The following PRPSAP2 variants were observed in gnomAD, a reference collection of about 807,000 sequenced individuals.
The protein encoded by PRPSAP2 is phosphoribosyl pyrophosphate synthetase associated protein 2.
PRPSAP2 carries 24 observed loss-of-function variants against 40.6 expected under a neutral mutation model. The observed-to-expected ratio is 0.59, with a 90% CI of 0.43 to 0.83. The LOEUF (loss-of-function observed/expected upper bound fraction) is 0.83. Ranked by LOEUF, PRPSAP2 falls within the 40% of genes least tolerant of loss-of-function variation. The pLI is 0.00. For synonymous variants in PRPSAP2, 149 were observed against 164.7 expected (o/e 0.90, Z 0.73); for missense variants, 292 against 465.6 (o/e 0.63, Z 3.43).
intron 1 of PRPSAP2, among the ~76,000 whole-genome samples, chr17:18,861,905 T>C (rs570983983): frequency 6.6e-6 from 1 of 152,108 alleles, no homozygotes; most frequent in South Asian, 2.1e-4. Flanking sequence ...GTTTGTTTGT[T>C]TTGAGACAGT....
chr17:18,880,220 G>A (rs2038629240), intron 6 of PRPSAP2, among the ~76,000 whole-genome samples: 1 of 152,176 alleles, frequency 6.6e-6, no homozygotes, highest in Admixed American at 6.5e-5. Flanking sequence ...TCAGGAAAGG[G>A]CCCATCTTCT....
rs1313021049 is a variant in PRPSAP2 at position 18,882,585 on chromosome 17, A to T, written c.430A>T (p.Thr144Ser). 1.9e-5 allele frequency: 30 copies of T among 1,578,610 alleles called. No homozygotes were observed. Among genetic ancestry groups the T allele is most frequent in the Non-Finnish European group, 2.5e-5 (29 of 1,148,088 alleles). Residue 144 changes from threonine (T) to serine (S), a missense_variant, in exon 7 of 12, where the codon ACT (threonine) becomes TCT (serine). Transcript: ENST00000268835. ...MCKAGLTHLI[T>S]MDLHQKEIQG... ...TTTCAAAGGTCTAACTCATCTTATTACTATGGATTTACACCAGAAGGAAAT... is the reference window on the plus strand; with the variant it reads ...TTTCAAAGGTCTAACTCATCTTATTTCTATGGATTTACACCAGAAGGAAAT...
chr17:18,930,098 C>T (rs1438819380), intron 11 of PRPSAP2, among the ~76,000 whole-genome samples: 10 of 152,092 alleles, frequency 6.6e-5, no homozygotes, highest in African/African-American at 1.2e-4. Flanking sequence ...ACAGGCTGGG[C>T]GCGGTGGCTC....
intron 8 of PRPSAP2, among the ~76,000 whole-genome samples, chr17:18,896,640 A>C (rs1405281509): frequency 8.1e-6 from 1 of 123,760 alleles, no homozygotes; most frequent in Non-Finnish European, 1.6e-5. Context: ...TTGTCACTTC[A>C]GGCGGCTGCA....
chr17:18,871,233 T>C (rs1437568259), intron 4 of PRPSAP2, among the ~76,000 whole-genome samples: 1 of 152,078 alleles, frequency 6.6e-6, no homozygotes, highest in African/African-American at 2.4e-5. Flanking sequence ...TTGGCCAGGC[T>C]AGCCTTAAAC....
chr17:18,907,639 C>CATAA (rs879261434), intron 8 of PRPSAP2, among the ~76,000 whole-genome samples: 12 of 152,046 alleles, frequency 7.9e-5, no homozygotes, highest in Non-Finnish European at 1.2e-4. Context: ...TCTTGTGAGC[C>CATAA]ATAAAATAAG....
At chr17:18,923,077 C>G (rs1567751985) in intron 9 of PRPSAP2, among the ~76,000 whole-genome samples, 1 of 149,970 alleles carries the variant, frequency 6.7e-6, no homozygotes, top group East Asian at 1.9e-4. Flanking sequence ...TTATTTTTAT[C>G]TATTTATTTA....
Position 18,872,629 on chromosome 17 carries a change from C to T in PRPSAP2, c.219C>T (p.Phe73=). Reference sequence around the variant, plus strand: ...AGTCTGTGAGGGGAAAAGATGTTTTCATCATCCAAACTGTTTCGAAGTGAG... The same window carrying T: ...AGTCTGTGAGGGGAAAAGATGTTTTTATCATCCAAACTGTTTCGAAGTGAG... ...IQESVRGKDV[F]IIQTVSKDVN... is the part of the protein sequence containing the mutation. Residue 73 remains phenylalanine (F), a synonymous_variant, in exon 5 of 12, where the codon TTC becomes TTT. Coordinates refer to ENST00000268835, the MANE Select transcript of PRPSAP2 (RefSeq NM_002767.4). 1.3e-6 allele frequency: 2 copies of T among 1,598,500 alleles called. No homozygotes were observed. The highest frequency in any genetic ancestry group is 1.7e-6 in the Non-Finnish European group (2 of 1,166,050).
chr17:18,867,134 T>G (rs1323668961), intron 3 of PRPSAP2, 148 bp from the exon 4 acceptor site: 1 of 809,302 alleles, frequency 1.2e-6, no homozygotes, highest in Non-Finnish European at 1.9e-6. Context: ...AATGGATTGA[T>G]GTAACAATTT....
At chr17:18,874,166 T>C (rs1393924382) in intron 5 of PRPSAP2, among the ~76,000 whole-genome samples, 1 of 152,084 alleles carries the variant, frequency 6.6e-6, no homozygotes, top group Non-Finnish European at 1.5e-5. Context: ...TGACCTCCTA[T>C]ATTGCTGAGA....
intron 5 of PRPSAP2, among the ~76,000 whole-genome samples, chr17:18,876,135 A>AAAAC (rs945978622): frequency 1.3e-5 from 2 of 152,220 alleles, no homozygotes; most frequent in Non-Finnish European, 2.9e-5. Context: ...CTCCGTCTCA[A>AAAAC]AAACAAACAA....
Position 18,930,554 on chromosome 17 carries a change from TAC to T in PRPSAP2, c.968_969del (p.Thr323AsnfsTer4). On this transcript the variant is annotated frameshift_variant, in exon 12 of 12. Transcript: ENST00000268835. LOFTEE classifies it high-confidence loss of function. The part of the protein sequence containing the change: ...SAIDEVVVTN[T>X]IPHEVQKLQC... ...TTGCTTCACAGGTGGTGGTCACCAA[TAC>T]AATTCCACATGAAGTCCAGAAGCTC... 6.3e-7 allele frequency: 1 copy of T among 1,599,614 alleles called. No individual in the cohort carries two copies. Among genetic ancestry groups the T allele is most frequent in the Non-Finnish European group, 8.5e-7 (1 of 1,171,292 alleles).
At chr17:18,921,807 T>C (rs2041703340) in intron 9 of PRPSAP2, among the ~76,000 whole-genome samples, 1 of 152,212 alleles carries the variant, frequency 6.6e-6, no homozygotes, top group South Asian at 2.1e-4. Context: ...TTTTGTGACA[T>C]TGCCTTAAAA....
At chr17:18,902,051 C>A (rs539702332) in intron 8 of PRPSAP2, among the ~76,000 whole-genome samples, 1 of 148,282 alleles carries the variant, frequency 6.7e-6, no homozygotes, top group African/African-American at 2.5e-5. Context: ...CCTAAAGTTC[C>A]GGGATTACAG....
At chr17:18,890,848 A>G (rs1221236008) in intron 8 of PRPSAP2, among the ~76,000 whole-genome samples, 2 of 152,240 alleles carry the variant, frequency 1.3e-5, no homozygotes, top group East Asian at 3.8e-4. Flanking sequence ...TATATGTTAA[A>G]GGTGACATTT....
intron 9 of PRPSAP2, among the ~76,000 whole-genome samples, chr17:18,922,500 T>A (rs2041739422): frequency 6.6e-6 from 1 of 152,126 alleles, no homozygotes; most frequent in Non-Finnish European, 1.5e-5. Context: ...CATCTCATTG[T>A]GATTTTGATA....
At chr17:18,893,994 ATTACAGG>A (rs954926697) in intron 8 of PRPSAP2, among the ~76,000 whole-genome samples, 1 of 151,830 alleles carries the variant, frequency 6.6e-6, no homozygotes, top group Non-Finnish European at 1.5e-5. Context: ...AGTAGCTGGG[ATTACAGG>A]TGTGCACCAC....
At chr17:18,903,737 A>G (rs1297549267) in intron 8 of PRPSAP2, among the ~76,000 whole-genome samples, 1 of 152,142 alleles carries the variant, frequency 6.6e-6, no homozygotes, top group African/African-American at 2.4e-5. Context: ...GTCTCAAAAA[A>G]ACAAAGTAAA....
At chr17:18,902,008 T>G in intron 8 of PRPSAP2, among the ~76,000 whole-genome samples, 1 of 152,040 alleles carries the variant, frequency 6.6e-6, no homozygotes, top group Admixed American at 6.6e-5. Flanking sequence ...GGTCTCTAAC[T>G]CTAGGGTACA....
Sources: gnomAD v4.1 joint callset for allele counts (sites outside exome capture counted in the v4.1 genomes callset) on GRCh38, gnomAD v4.1.1 for gene constraint, MANE v1.5 for transcripts, NCBI Gene and HGNC (gene_info 2026-07-23, HGNC 2026-07-21) for gene names.